MYOCD: variants seen among roughly 807,000 people sequenced by gnomAD.
The protein encoded by MYOCD is myocardin.
Under a neutral mutation model 96.1 loss-of-function variants are expected in MYOCD, and 32 were observed. That is an observed-to-expected ratio of 0.33 (90% CI 0.25 to 0.45). The LOEUF is 0.45. Among genes scored for constraint, MYOCD ranks in the 20% least tolerant of loss-of-function variants. The pLI is 1.00. For synonymous variants in MYOCD, 469 were observed against 469.0 expected (o/e 1.00, Z 0.00); for missense variants, 1,133 against 1,200.6 (o/e 0.94, Z 0.83).
At chr17:12,715,849 G>A (rs1445324740) in intron 3 of MYOCD, among the ~76,000 whole-genome samples, 1 of 152,176 alleles carries the variant, frequency 6.6e-6, no homozygotes, top group African/African-American at 2.4e-5. Context: ...ATGCACTGGA[G>A]TCAAAAACAC....
At chr17:12,670,079 C>T (rs8065091) in intron 1 of MYOCD, among the ~76,000 whole-genome samples, 16,381 of 152,028 alleles carry the variant, frequency 0.11, 1,592 homozygotes, top group African/African-American at 0.26. Context: ...CACCTCTGGT[C>T]TCTGGTCGTC....
chr17:12,763,726 A>AAAAC lies in MYOCD; in HGVS notation c.*84_*87dup, dbSNP rs1213597954. On this transcript the variant is annotated 3_prime_UTR_variant, in exon 14 of 14. Coordinates refer to ENST00000425538, the MANE Select transcript of MYOCD (RefSeq NM_001146312.3). ...ACAGCCATACATACTTTACTGTCCA[A>AAAAC]AAACAGAAGAAGAAGAAGAGAATTA... 22 of 1,168,100 alleles carry AAAAC rather than the reference A, an allele frequency of 1.9e-5. No individual in the cohort carries two copies. In the East Asian group the frequency reaches 5.4e-4, roughly 28 times the overall value. The allele number at this position is 1,168,100 out of a possible 1,614,324, so 72.4% of individuals were successfully genotyped here.
rs576662433 is a variant in MYOCD, at chr17:12,734,760, C to T, written c.416-1401C>T. On this transcript the variant is annotated intron_variant, in intron 5 of 13. Transcript: ENST00000425538. ...TCCTGACCTCATGATCCACCTGCCTCGGCCTCCCAAAGTGCTGGGATTACA... is the reference window on the plus strand; with the variant it reads ...TCCTGACCTCATGATCCACCTGCCTTGGCCTCCCAAAGTGCTGGGATTACA... Among the ~76,000 whole-genome samples the T allele has an allele frequency of 1.5e-4, 23 of 152,210 alleles. No individual in the cohort carries two copies. In the South Asian group the frequency reaches 2.9e-3, roughly 19 times the overall value.
intron 9 of MYOCD, among the ~76,000 whole-genome samples, chr17:12,746,870 A>G (rs1238140223): frequency 2.6e-5 from 4 of 151,672 alleles, no homozygotes; most frequent in Non-Finnish European, 2.9e-5. Flanking sequence ...CTGGGACTAC[A>G]GGCACCTACC....
chr17:12,699,179 C>T (rs1051026129), intron 1 of MYOCD, among the ~76,000 whole-genome samples: 3 of 152,234 alleles, frequency 2.0e-5, no homozygotes, highest in African/African-American at 4.8e-5. Context: ...GGCTGGAGTG[C>T]AGTGGCCCAG....
chr17:12,713,357 T>C (rs1439027435), intron 2 of MYOCD, among the ~76,000 whole-genome samples: 1 of 152,124 alleles, frequency 6.6e-6, no homozygotes, highest in African/African-American at 2.4e-5. Flanking sequence ...CTAATAAGAA[T>C]TGAACAGCCT....
chr17:12,676,239 G>A (rs57831191), intron 1 of MYOCD, among the ~76,000 whole-genome samples: 16,353 of 104,978 alleles, frequency 0.16, 1,615 homozygotes, highest in African/African-American at 0.32. Flanking sequence ...CCCCCTGCGC[G>A]CGCACGCACA....
intron 1 of MYOCD, among the ~76,000 whole-genome samples, chr17:12,697,359 A>ATTTTT (rs71144918): frequency 1.1e-4 from 8 of 75,722 alleles, no homozygotes; most frequent in Admixed American, 1.9e-4. Flanking sequence ...ATATATATAT[A>ATTTTT]TTTTTTTTTT....
intron 1 of MYOCD, among the ~76,000 whole-genome samples, chr17:12,699,218 G>A (rs925610144): frequency 5.3e-5 from 8 of 151,888 alleles, no homozygotes; most frequent in Non-Finnish European, 7.4e-5. Context: ...TCCGCTTCCC[G>A]GGTTCAAGTG....
intron 7 of MYOCD, among the ~76,000 whole-genome samples, chr17:12,743,712 C>T (rs1366806318): frequency 2.0e-5 from 3 of 151,954 alleles, no homozygotes; most frequent in South Asian, 2.1e-4. Flanking sequence ...AGGCTAGTCT[C>T]GAACTCATGA....
chr17:12,666,976 G>C (rs892144436), intron 1 of MYOCD, among the ~76,000 whole-genome samples: 22 of 152,154 alleles, frequency 1.4e-4, no homozygotes, highest in African/African-American at 4.8e-4. Flanking sequence ...GGGTCTCCAC[G>C]TTTAGACAAA....
At chr17:12,698,230 T>C (rs1257277802) in intron 1 of MYOCD, among the ~76,000 whole-genome samples, 2 of 152,184 alleles carry the variant, frequency 1.3e-5, no homozygotes, top group Non-Finnish European at 2.9e-5. Flanking sequence ...AAAAGAAAGA[T>C]GTGAGATGGT....
At chr17:12,671,889 A>T (rs1212119218) in intron 1 of MYOCD, 4 of 152,184 alleles carry the variant, frequency 2.6e-5, no homozygotes, top group African/African-American at 7.2e-5. Flanking sequence ...ATTTTCATCT[A>T]ATTAGCAAGG....
intron 11 of MYOCD, among the ~76,000 whole-genome samples, chr17:12,756,769 T>A (rs1212908209): frequency 2.0e-5 from 3 of 151,556 alleles, no homozygotes; most frequent in African/African-American, 4.8e-5. Flanking sequence ...GATCTATGCT[T>A]ACAACATTAA....
chr17:12,739,378 G>A, intron 7 of MYOCD, 50 bp downstream of exon 7: 1 of 1,493,820 alleles, frequency 6.7e-7, no homozygotes, highest in Non-Finnish European at 8.9e-7. Context: ...GGCTCACAGA[G>A]CCGACTTGGA....
intron 1 of MYOCD, among the ~76,000 whole-genome samples, chr17:12,677,615 G>A (rs1019105745): frequency 3.3e-5 from 5 of 151,558 alleles, no homozygotes; most frequent in Non-Finnish European, 7.4e-5. Context: ...GGGAAGCTGA[G>A]GCAGGAGAAT....
intron 9 of MYOCD, among the ~76,000 whole-genome samples, chr17:12,749,673 A>G (rs2032779387): frequency 6.7e-6 from 1 of 148,644 alleles, no homozygotes; most frequent in Non-Finnish European, 1.5e-5. Flanking sequence ...ACATATGTAT[A>G]TACACATACA....
At chr17:12,739,111 A>G (rs1320306208) in intron 6 of MYOCD, 92 bp from the exon 7 acceptor site, 4 of 1,408,878 alleles carry the variant, frequency 2.8e-6, no homozygotes, top group Non-Finnish European at 3.8e-6. Flanking sequence ...GCTAGGATGA[A>G]AGCAGCAGAG....
intron 6 of MYOCD, among the ~76,000 whole-genome samples, chr17:12,738,750 A>G (rs1040237557): frequency 1.3e-5 from 2 of 150,784 alleles, no homozygotes; most frequent in African/African-American, 4.9e-5. Flanking sequence ...AAATTCCTAC[A>G]CTCACTCTTC....
Sources: allele counts gnomAD v4.1 joint callset (sites outside exome capture counted in the v4.1 genomes callset), GRCh38; gene constraint gnomAD v4.1.1; transcripts MANE v1.5; gene names NCBI Gene and HGNC (gene_info 2026-07-23, HGNC 2026-07-21).